PPP2R2B: variants seen among roughly 807,000 people sequenced by gnomAD.
PPP2R2B encodes the protein serine/threonine-protein phosphatase 2A 55 kDa regulatory subunit B beta isoform.
A neutral mutation model predicts 46.0 loss-of-function variants in PPP2R2B; 5 were observed. That is an observed-to-expected ratio of 0.11 (90% confidence interval 0.06 to 0.23). The LOEUF (loss-of-function observed/expected upper bound fraction) is 0.23, where lower values mean the gene tolerates loss of function less well. Ranked by LOEUF, PPP2R2B falls within the 10% of genes least tolerant of loss-of-function variation. PPP2R2B has a pLI of 1.00. For synonymous variants in PPP2R2B, 215 were observed against 206.7 expected (o/e 1.04, Z -0.34); for missense variants, 367 against 575.0 (o/e 0.64, Z 3.70).
In PPP2R2B at chr5:146,634,981, C is replaced by T. The variant is rs368905594; in HGVS notation, c.790+3270G>A. ...ATATCTGGCAAGAGGGTTGGGGTTT[C>T]GAACATCTTATGTCTGCAGGCCTAG... On this transcript the variant is annotated intron_variant, in intron 7 of 9. Coordinates refer to ENST00000394411, the MANE Select transcript of PPP2R2B (RefSeq NM_181675.4). 5.5e-4 allele frequency among the ~76,000 whole-genome samples: 83 copies of T among 152,224 alleles called. No individual in the cohort carries two copies. The South Asian group carries it at 0.016, about 30-fold the overall frequency.
intron 2 of PPP2R2B, among the ~76,000 whole-genome samples, chr5:146,725,371 C>T (rs1347106381): frequency 6.6e-6 from 1 of 152,054 alleles, no homozygotes; most frequent in Admixed American, 6.6e-5. Flanking sequence ...TGTATTTCTG[C>T]CACTACACTG....
intron 7 of PPP2R2B, among the ~76,000 whole-genome samples, chr5:146,634,505 T>G (rs1481677230): frequency 2.0e-5 from 3 of 152,084 alleles, no homozygotes; most frequent in South Asian, 2.1e-4. Flanking sequence ...TGGCTAATTT[T>G]TGTATTTTTA....
At chr5:147,039,057 C>A (rs1300985310) in intron 1 of PPP2R2B, among the ~76,000 whole-genome samples, 1 of 152,110 alleles carries the variant, frequency 6.6e-6, no homozygotes, top group African/African-American at 2.4e-5. Flanking sequence ...TTATTCCAGC[C>A]TTTGTCCAGT....
In PPP2R2B at chr5:146,722,894, CTT is replaced by C. The variant is rs964864997; in HGVS notation, c.71-21754_71-21753del. Among the ~76,000 whole-genome samples the C allele has an allele frequency of 2.0e-4, 30 of 152,170 alleles. 1 individual carries two copies. Among genetic ancestry groups the C allele is most frequent in the African/African-American group, 7.0e-4 (29 of 41,442 alleles). Reference sequence around the variant, plus strand: ...AAAACTTACTTTCTTTGACTTCTCTCTTGTCTACTGCCACTACCTAAACATGA... The same window carrying C: ...AAAACTTACTTTCTTTGACTTCTCTCGTCTACTGCCACTACCTAAACATGA... On this transcript the variant is annotated intron_variant, in intron 2 of 9. Transcript: ENST00000394411.
chr5:146,598,621 T>G (rs2151013656), intron 8 of PPP2R2B, among the ~76,000 whole-genome samples: 1 of 152,328 alleles, frequency 6.6e-6, no homozygotes, highest in Middle Eastern at 3.4e-3. Flanking sequence ...CAACTCTACT[T>G]TTCTAATTGC....
chr5:146,833,424 G>A (rs112457307), intron 2 of PPP2R2B, among the ~76,000 whole-genome samples: 22 of 152,234 alleles, frequency 1.4e-4, no homozygotes, highest in African/African-American at 5.1e-4. Flanking sequence ...AAAGCTCTTA[G>A]GCTGCCTTGA....
At chr5:146,809,349 C>A (rs934786908) in intron 2 of PPP2R2B, among the ~76,000 whole-genome samples, 2 of 151,962 alleles carry the variant, frequency 1.3e-5, no homozygotes, top group South Asian at 4.2e-4. Flanking sequence ...AATTTCTCTG[C>A]TAATTTAGAA....
intron 1 of PPP2R2B, among the ~76,000 whole-genome samples, chr5:147,009,462 T>C (rs989988001): frequency 1.3e-5 from 2 of 152,188 alleles, no homozygotes; most frequent in African/African-American, 4.8e-5. Flanking sequence ...AAATCCTCTT[T>C]GTTTTGAAAT....
intron 1 of PPP2R2B, among the ~76,000 whole-genome samples, chr5:147,004,650 C>T (rs1222736758): frequency 2.6e-5 from 4 of 152,170 alleles, no homozygotes; most frequent in Non-Finnish European, 4.4e-5. Context: ...GAGCTATTAT[C>T]TACATGAATA....
chr5:147,062,961 AGGG>A (rs1757302891), intron 2 of PPP2R2B, among the ~76,000 whole-genome samples: 2 of 41,230 alleles, frequency 4.9e-5, no homozygotes, highest in Non-Finnish European at 7.2e-5. Flanking sequence ...TGTAAAAGGG[AGGG>A]AGGGAGGGAG....
Position 146,638,384 on chromosome 5 carries a change from CT to C in PPP2R2B, c.656del (p.Glu219GlyfsTer6). On this transcript the variant is annotated frameshift_variant, in exon 7 of 10. Transcript: ENST00000394411. LOFTEE classifies it high-confidence loss of function. ...CTGCTGTGATCACCTCCGTGAGCTC[CT>C]CCATGTTGGCTGGCTTAATGTCCAC... ...NIVDIKPANM[E>X]ELTEVITAAE... The C allele has an allele frequency of 6.2e-7, 1 of 1,611,408 alleles. No individual in the cohort carries two copies. The highest frequency in any genetic ancestry group is 8.5e-7 in the Non-Finnish European group (1 of 1,177,848).
chr5:146,966,130 G>A (rs1752392431), intron 1 of PPP2R2B, among the ~76,000 whole-genome samples: 1 of 152,208 alleles, frequency 6.6e-6, no homozygotes, highest in African/African-American at 2.4e-5. Context: ...CATTAGAAAG[G>A]AAAACCGTAG....
At chr5:146,832,315 C>A (rs776668561) in intron 2 of PPP2R2B, among the ~76,000 whole-genome samples, 6 of 148,972 alleles carry the variant, frequency 4.0e-5, no homozygotes, top group Non-Finnish European at 8.9e-5. Context: ...CCCAGAACAA[C>A]TTTCAGTCCT....
At chr5:146,767,541 C>G (rs1425738383) in intron 2 of PPP2R2B, among the ~76,000 whole-genome samples, 4 of 150,834 alleles carry the variant, frequency 2.7e-5, no homozygotes, top group Admixed American at 2.6e-4. Context: ...CACATACATA[C>G]ACACACACAC....
intron 2 of PPP2R2B, among the ~76,000 whole-genome samples, chr5:146,758,006 C>T (rs1753940305): frequency 6.6e-6 from 1 of 152,176 alleles, no homozygotes; most frequent in Non-Finnish European, 1.5e-5. Context: ...GGACATGAAA[C>T]CTCTCAGCTA....
intron 1 of PPP2R2B, among the ~76,000 whole-genome samples, chr5:146,942,823 A>G (rs1380914684): frequency 6.7e-6 from 1 of 149,464 alleles, no homozygotes; most frequent in Non-Finnish European, 1.5e-5. Context: ...TTTGAGATGG[A>G]GTCTCACTCT....
chr5:146,897,278 G>T (rs1359685013), intron 1 of PPP2R2B, among the ~76,000 whole-genome samples: 1 of 152,164 alleles, frequency 6.6e-6, no homozygotes, highest in East Asian at 1.9e-4. Flanking sequence ...GGTGAAAAAT[G>T]GAGCGGGTGT....
chr5:147,007,077 G>A (rs1185442037), intron 1 of PPP2R2B, among the ~76,000 whole-genome samples: 1 of 152,188 alleles, frequency 6.6e-6, no homozygotes, highest in South Asian at 2.1e-4. Flanking sequence ...AGCTACAGAT[G>A]GTCTTACAAA....
chr5:147,039,737 T>G (rs2151896154), intron 1 of PPP2R2B, among the ~76,000 whole-genome samples: 1 of 152,294 alleles, frequency 6.6e-6, no homozygotes, highest in Non-Finnish European at 1.5e-5. Flanking sequence ...GTTCCCACCT[T>G]AATTTGGATC....
Sources: gnomAD v4.1 joint callset for allele counts (sites outside exome capture counted in the v4.1 genomes callset) on GRCh38, gnomAD v4.1.1 for gene constraint, MANE v1.5 for transcripts, NCBI Gene and HGNC (gene_info 2026-07-23, HGNC 2026-07-21) for gene names.